The following DNMBP variants were observed in gnomAD, a reference collection of about 807,000 sequenced individuals.
DNMBP encodes the protein dynamin binding protein, also known as dynamin-binding protein.
In DNMBP, 87 loss-of-function variants were observed where a neutral mutation model predicts 150.0. That is an observed-to-expected ratio of 0.58 (90% CI 0.49 to 0.69). The LOEUF is 0.69. DNMBP is among the 30% of genes least tolerant of loss of function. The pLI is 0.00. For missense variants in DNMBP, 1,774 were observed against 1,949.0 expected (o/e 0.91, Z 1.69); for synonymous variants, 711 against 750.4 (o/e 0.95, Z 0.86).
At chr10:99,963,084 T>C (rs1329249475) in intron 3 of DNMBP, among the ~76,000 whole-genome samples, 4 of 152,132 alleles carry the variant, frequency 2.6e-5, no homozygotes, top group Non-Finnish European at 1.5e-5. Flanking sequence ...ATTATTATTT[T>C]TTGAGACAGG....
chr10:99,966,153 T>C (rs532322565), intron 3 of DNMBP, among the ~76,000 whole-genome samples: 23 of 152,258 alleles, frequency 1.5e-4, no homozygotes, highest in African/African-American at 4.3e-4. Flanking sequence ...CCAAGCCTTG[T>C]GTTTCCAAAT....
At chr10:99,920,358 A>G (rs2040010079) in intron 4 of DNMBP, among the ~76,000 whole-genome samples, 1 of 152,158 alleles carries the variant, frequency 6.6e-6, no homozygotes, top group African/African-American at 2.4e-5. Context: ...TACAGGTGTG[A>G]GCCACCGCGC....
chr10:99,970,612 AAAG>A (rs1018246946), intron 2 of DNMBP, among the ~76,000 whole-genome samples: 61 of 152,298 alleles, frequency 4.0e-4, no homozygotes, highest in African/African-American at 1.4e-3. Flanking sequence ...GAAAATGTTC[AAAG>A]AAGACAGCCA....
intron 3 of DNMBP, among the ~76,000 whole-genome samples, chr10:99,966,998 T>C (rs921489654): frequency 6.6e-6 from 1 of 150,874 alleles, no homozygotes; most frequent in Admixed American, 6.6e-5. Context: ...CGTCCTGCCA[T>C]GTTGCCCAGG....
At chr10:100,005,898 G>A (rs968505634) in intron 1 of DNMBP, among the ~76,000 whole-genome samples, 1 of 152,110 alleles carries the variant, frequency 6.6e-6, no homozygotes, top group African/African-American at 2.4e-5. Context: ...CACATGCAAT[G>A]CATTAAGAAT....
chr10:99,900,580 G>A (rs886745554), intron 6 of DNMBP, among the ~76,000 whole-genome samples: 2 of 152,020 alleles, frequency 1.3e-5, no homozygotes, highest in Non-Finnish European at 2.9e-5. Context: ...AGACATCTGA[G>A]AGCGTTCTCC....
chr10:99,919,505 A>G (rs2039999132), intron 4 of DNMBP, among the ~76,000 whole-genome samples: 1 of 152,188 alleles, frequency 6.6e-6, no homozygotes, highest in South Asian at 2.1e-4. Flanking sequence ...TAAAGTTTTA[A>G]TTATAGGCTG....
At chr10:100,009,728 C>A (rs548216121) in intron 1 of DNMBP, 110 bp downstream of exon 1, 1 of 150,850 alleles carries the variant, frequency 6.6e-6, no homozygotes, top group Admixed American at 6.6e-5. Context: ...CCGCGCGGCG[C>A]GGCGCGGCGC....
rs772520458 is a variant in DNMBP at position 99,899,979 on chromosome 10, T to C, written c.2642A>G (p.Glu881Gly). The C allele has an allele frequency of 2.5e-6, 4 of 1,614,162 alleles. No homozygotes were observed. The South Asian group carries it at 4.4e-5, about 18-fold the overall frequency. Residue 881 changes from glutamate to glycine, a missense_variant, in exon 7 of 17, where the codon GAA (glutamate) becomes GGA (glycine). This residue lies in a region of DNMBP where 1,430 missense variants were observed against 1,492.5 expected (regional missense o/e 0.96). Transcript: ENST00000324109. ...QNHDEAIALLEIYEKDEKIQK... is the reference protein window; with the variant it reads ...QNHDEAIALLGIYEKDEKIQK... ...GATCTTCTCATCCTTCTCGTAGATT[T>C]CAAGCAGCGCAATGGCCTCATCATG...
intron 1 of DNMBP, among the ~76,000 whole-genome samples, chr10:99,973,972 G>A (rs912784703): frequency 6.6e-6 from 1 of 152,076 alleles, no homozygotes; most frequent in Non-Finnish European, 1.5e-5. Flanking sequence ...GTGACGGAGT[G>A]AGACTCAGAA....
At chr10:99,913,814 C>T in intron 4 of DNMBP, 1 of 899,068 alleles carries the variant, frequency 1.1e-6, no homozygotes, top group Non-Finnish European at 1.5e-6. Flanking sequence ...TGCGCCCTTC[C>T]CTTGCCTCAG....
chr10:99,877,684 TG>T (rs2039298279), intron 16 of DNMBP, among the ~76,000 whole-genome samples: 1 of 152,040 alleles, frequency 6.6e-6, no homozygotes, highest in African/African-American at 2.4e-5. Flanking sequence ...GCCAACATGG[TG>T]AAACCCCACC....
Position 99,908,027 on chromosome 10 carries a change from A to G in DNMBP, c.2522T>C (p.Leu841Ser), listed in dbSNP as rs1309826283. Residue 841 changes from leucine to serine, a missense_variant, in exon 6 of 17, where the codon TTA becomes TCA. Physicochemically the swap from Leu to Ser is moderately radical, Grantham distance 145. Transcript: ENST00000324109. ...MQMVIKVSKQ[L>S]LAALEISDAV... ...ATCGCTGATTTCCAGAGCAGCCAAT[A>G]ATTGCTTCGAGACCTTAATCACCAT... 1 of 1,614,080 alleles carries G rather than the reference A, an allele frequency of 6.2e-7. No homozygotes were observed. Among genetic ancestry groups the G allele is most frequent in the Non-Finnish European group, 8.5e-7 (1 of 1,179,960 alleles).
At chr10:99,930,173 A>G (rs1483730489) in intron 4 of DNMBP, 1 of 703,016 alleles carries the variant, frequency 1.4e-6, no homozygotes, top group Non-Finnish European at 2.6e-6. Context: ...GTTCTCTACA[A>G]TAAAAATTAG....
chr10:99,910,576 C>T (rs2039886823), intron 4 of DNMBP, among the ~76,000 whole-genome samples: 1 of 152,152 alleles, frequency 6.6e-6, no homozygotes, highest in African/African-American at 2.4e-5. Flanking sequence ...GAATACAACC[C>T]AAATTCTGGT....
rs184833950 is a variant in DNMBP at position 99,906,613 on chromosome 10, A to G, written c.2554+1382T>C. Among the ~76,000 whole-genome samples, 20 of 152,098 alleles carry G rather than the reference A, an allele frequency of 1.3e-4. No homozygotes were observed. The East Asian group carries it at 3.1e-3, about 24-fold the overall frequency. On this transcript the variant is annotated intron_variant, in intron 6 of 16. Transcript: ENST00000324109. The stretch of plus-strand genomic sequence containing the variant: ...TGTCTCTCGCTCTCTCTCACAGGTC[A>G]CTCTAGGTGACTCATGACTCATGCC...
At chr10:99,878,356 G>C (rs1345423403) in intron 16 of DNMBP, among the ~76,000 whole-genome samples, 1 of 152,216 alleles carries the variant, frequency 6.6e-6, no homozygotes, top group African/African-American at 2.4e-5. Context: ...CCAAGGGCTG[G>C]AGCTTTAGGA....
At chr10:99,940,510 T>C (rs1264332434) in intron 4 of DNMBP, among the ~76,000 whole-genome samples, 2 of 152,132 alleles carry the variant, frequency 1.3e-5, no homozygotes, top group African/African-American at 2.4e-5. Flanking sequence ...CACTATCTAA[T>C]AGCAGTGAGG....
chr10:99,923,622 G>C (rs532035990), intron 4 of DNMBP, among the ~76,000 whole-genome samples: 6 of 152,028 alleles, frequency 3.9e-5, no homozygotes, highest in African/African-American at 1.4e-4. Flanking sequence ...TTTCTTCCTT[G>C]AGCTCCAACC....
Sources: gnomAD v4.1 joint callset for allele counts (sites outside exome capture counted in the v4.1 genomes callset) on GRCh38, gnomAD v4.1.1 for gene constraint, gnomAD v4.1.1 regional missense constraint, MANE v1.5 for transcripts, NCBI Gene and HGNC (gene_info 2026-07-23, HGNC 2026-07-21) for gene names.